Variants in ZNRF2 observed in about 807,000 individuals in gnomAD.
ZNRF2 encodes E3 ubiquitin-protein ligase ZNRF2.
In ZNRF2, 16 loss-of-function variants were observed where a neutral mutation model predicts 20.4. The observed-to-expected ratio is 0.79, with a 90% CI of 0.53 to 1.19. The LOEUF is 1.19. Among genes scored for constraint, ZNRF2 ranks in the 50% most tolerant of loss-of-function variants. The pLI, the probability that ZNRF2 is intolerant of heterozygous loss-of-function variation, is 0.00. For synonymous variants in ZNRF2, 178 were observed against 144.9 expected, an observed-to-expected ratio of 1.23 and a Z score of -1.64; for missense variants, 363 against 332.4, an observed-to-expected ratio of 1.09 and a Z score of -0.72.
chr7:30,300,063 C>T (rs576390171), intron 1 of ZNRF2, among the ~76,000 whole-genome samples: 35 of 151,352 alleles, frequency 2.3e-4, no homozygotes, highest in Non-Finnish European at 3.5e-4. Flanking sequence ...GGATTACAGG[C>T]GTGAGCCATC....
At chr7:30,352,543 T>G (rs1799975560) in intron 2 of ZNRF2, among the ~76,000 whole-genome samples, 1 of 152,056 alleles carries the variant, frequency 6.6e-6, no homozygotes, top group African/African-American at 2.4e-5. Flanking sequence ...ACTCTAGATG[T>G]TGAGGTATGA....
intron 1 of ZNRF2, chr7:30,289,069 TGTATCCTTGA>T (rs1416125602): frequency 6.6e-6 from 1 of 152,220 alleles, no homozygotes; most frequent in Non-Finnish European, 1.5e-5. Flanking sequence ...ACTTCTATAA[TGTATCCTTGA>T]GTCCAGAAGT....
At chr7:30,347,916 A>G (rs1799902142) in intron 2 of ZNRF2, among the ~76,000 whole-genome samples, 1 of 152,144 alleles carries the variant, frequency 6.6e-6, no homozygotes, top group Non-Finnish European at 1.5e-5. Context: ...CATAAGTTCT[A>G]ATTTAGCCAG....
chr7:30,285,897 T>C (rs1236402447), intron 1 of ZNRF2, 71 bp downstream of exon 1: 4 of 1,357,378 alleles, frequency 2.9e-6, no homozygotes, highest in Non-Finnish European at 3.8e-6. Context: ...CCGCCGGCTA[T>C]TTTTACCCTT....
At chr7:30,351,522 T>A (rs1165308620) in intron 2 of ZNRF2, among the ~76,000 whole-genome samples, 1 of 152,050 alleles carries the variant, frequency 6.6e-6, no homozygotes, top group Admixed American at 6.6e-5. Flanking sequence ...CCTCTAAATA[T>A]GTAGCTTGAG....
chr7:30,335,488 TAAG>T (rs1171390331), intron 2 of ZNRF2, among the ~76,000 whole-genome samples: 5 of 152,146 alleles, frequency 3.3e-5, no homozygotes, highest in African/African-American at 4.8e-5. Context: ...TTTCCTTTAT[TAAG>T]GAGCATAGCT....
intron 2 of ZNRF2, among the ~76,000 whole-genome samples, chr7:30,327,440 A>G (rs564636163): frequency 1.3e-5 from 2 of 151,976 alleles, no homozygotes; most frequent in Admixed American, 1.3e-4. Context: ...TCAGGTTTGG[A>G]TATTTGACAG....
At chr7:30,357,835 A>G (rs1800064443) in intron 3 of ZNRF2, among the ~76,000 whole-genome samples, 1 of 152,202 alleles carries the variant, frequency 6.6e-6, no homozygotes. Flanking sequence ...AGGTTCTCCC[A>G]TTTATTTTAT....
At chr7:30,353,840 G>A (rs1799994170) in intron 2 of ZNRF2, among the ~76,000 whole-genome samples, 1 of 152,060 alleles carries the variant, frequency 6.6e-6, no homozygotes, top group African/African-American at 2.4e-5. Context: ...TTTGAAGGTG[G>A]TTGTGAAACT....
chr7:30,288,419 A>C (rs1436815220), intron 1 of ZNRF2, among the ~76,000 whole-genome samples: 3 of 152,164 alleles, frequency 2.0e-5, no homozygotes, highest in African/African-American at 7.2e-5. Flanking sequence ...TTCTCTTGTG[A>C]GCTCTCATGT....
chr7:30,361,520 G>C (rs1488140979), intron 3 of ZNRF2, among the ~76,000 whole-genome samples: 2 of 152,164 alleles, frequency 1.3e-5, no homozygotes, highest in Non-Finnish European at 2.9e-5. Context: ...GTTGAATCCT[G>C]CTTGGATAAC....
intron 1 of ZNRF2, among the ~76,000 whole-genome samples, chr7:30,290,137 T>C (rs1033318125): frequency 1.3e-5 from 2 of 152,232 alleles, no homozygotes; most frequent in Admixed American, 1.3e-4. Flanking sequence ...TATGTGAATA[T>C]TCTTAAGAAC....
At chr7:30,365,187 A>C (rs1360184436) in intron 4 of ZNRF2, among the ~76,000 whole-genome samples, 1 of 74,582 alleles carries the variant, frequency 1.3e-5, no homozygotes, top group Non-Finnish European at 2.6e-5. Context: ...AGGTGGAATT[A>C]TATTGTATAA....
chr7:30,339,165 T>G (rs1191585196), intron 2 of ZNRF2, among the ~76,000 whole-genome samples: 3 of 152,206 alleles, frequency 2.0e-5, no homozygotes, highest in African/African-American at 7.2e-5. Context: ...ATCTGGATAT[T>G]GGCCCTTTGT....
intron 2 of ZNRF2, among the ~76,000 whole-genome samples, chr7:30,348,398 A>G (rs571230232): frequency 6.6e-6 from 1 of 152,182 alleles, no homozygotes; most frequent in South Asian, 2.1e-4. Context: ...GCAAAACACT[A>G]TGCTGCATGC....
intron 1 of ZNRF2, among the ~76,000 whole-genome samples, chr7:30,298,293 G>A (rs1488018165): frequency 3.3e-5 from 5 of 151,792 alleles, no homozygotes; most frequent in African/African-American, 4.8e-5. Flanking sequence ...CTGATGACTC[G>A]GTTTCTTCCC....
At position 30,366,868 on chromosome 7, in the gene ZNRF2, C is replaced by G. The variant is rs1445767645; in HGVS notation, c.*856C>G. ...TACAGATTACCAATTTCAAGTGCTGCCAGCTAAAATAACTGTTTTAACGGG... is the reference window on the plus strand; with the variant it reads ...TACAGATTACCAATTTCAAGTGCTGGCAGCTAAAATAACTGTTTTAACGGG... On this transcript the variant is annotated 3_prime_UTR_variant, in exon 5 of 5. Coordinates refer to ENST00000323037, the MANE Select transcript of ZNRF2 (RefSeq NM_147128.4). 1.3e-5 allele frequency: 2 copies of G among 152,520 alleles called. No homozygotes were observed. Among genetic ancestry groups the G allele is most frequent in the Admixed American group, 6.6e-5 (1 of 15,244 alleles). The allele number at this position is 152,520 out of a possible 1,614,324, so 9.4% of individuals were successfully genotyped here. A position where few individuals can be genotyped will look rare whatever the true frequency, so the allele number is the denominator to read the frequency against.
Position 30,326,608 on chromosome 7 carries a change from G to T in ZNRF2, c.565+2871G>T, listed in dbSNP as rs575423988. On this transcript the variant is annotated intron_variant, in intron 2 of 4. Coordinates refer to ENST00000323037, the MANE Select transcript of ZNRF2 (RefSeq NM_147128.4). ...TGCTGCAGTGAACATATGCATGCAT[G>T]TGTCTTATAACACAAGGATTTATAT... Among the ~76,000 whole-genome samples the T allele has an allele frequency of 3.3e-5, 5 of 152,300 alleles. 1 individual carries two copies. The South Asian group carries it at 1.0e-3, about 32-fold the overall frequency.
chr7:30,290,460 C>T (rs1445745623), intron 1 of ZNRF2, among the ~76,000 whole-genome samples: 2 of 152,178 alleles, frequency 1.3e-5, no homozygotes, highest in African/African-American at 4.8e-5. Context: ...GGGGAAAGGT[C>T]TGCCCACAGA....
Sources: gnomAD v4.1 joint callset for allele counts (sites outside exome capture counted in the v4.1 genomes callset) on GRCh38, gnomAD v4.1.1 for gene constraint, MANE v1.5 for transcripts, NCBI Gene and HGNC (gene_info 2026-07-23, HGNC 2026-07-21) for gene names.